The following FAM184B variants were observed in gnomAD, a reference collection of about 807,000 sequenced individuals.
FAM184B encodes the protein protein FAM184B.
A neutral mutation model predicts 135.9 loss-of-function variants in FAM184B; 111 were observed. The ratio of observed to expected loss-of-function variants is 0.82; its 90% confidence interval spans 0.70 to 0.96. FAM184B has a LOEUF of 0.96. Among genes scored for constraint, FAM184B ranks in the 40% least tolerant of loss-of-function variants. The probability of loss-of-function intolerance (pLI) is 0.00; values close to 1 mark genes in which losing one functional copy is unlikely to be tolerated. For synonymous variants in FAM184B, 552 were observed against 524.8 expected (o/e 1.05, Z -0.71); for missense variants, 1,375 against 1,323.9 (o/e 1.04, Z -0.60).
intron 1 of FAM184B, among the ~76,000 whole-genome samples, chr4:17,758,634 C>T (rs1477659325): frequency 6.6e-6 from 1 of 152,158 alleles, no homozygotes; most frequent in Non-Finnish European, 1.5e-5. Flanking sequence ...TTTTATTGCA[C>T]AAGTGAGGGT....
chr4:17,703,101 T>C (rs912727317), intron 5 of FAM184B, among the ~76,000 whole-genome samples: 9 of 152,218 alleles, frequency 5.9e-5, no homozygotes, highest in African/African-American at 2.2e-4. Context: ...TTTGTAATAT[T>C]GTTGGAAAGA....
At chr4:17,673,760 A>C (rs1175949778) in intron 7 of FAM184B, among the ~76,000 whole-genome samples, 1 of 152,112 alleles carries the variant, frequency 6.6e-6, no homozygotes, top group Non-Finnish European at 1.5e-5. Flanking sequence ...TTGGAGATTC[A>C]GGAGGAAAGG....
At chr4:17,763,069 G>C (rs1718581346) in intron 1 of FAM184B, among the ~76,000 whole-genome samples, 1 of 152,040 alleles carries the variant, frequency 6.6e-6, no homozygotes, top group South Asian at 2.1e-4. Flanking sequence ...GCTGTCAATG[G>C]GATGTTCATT....
intron 12 of FAM184B, among the ~76,000 whole-genome samples, chr4:17,647,021 G>A (rs550270101): frequency 6.0e-4 from 91 of 152,296 alleles, no homozygotes; most frequent in African/African-American, 2.1e-3. Context: ...ATGTTCTGCA[G>A]ATCCAGAGGA....
At chr4:17,774,992 C>CTTTTTTTTTTT (rs71167338) in intron 1 of FAM184B, among the ~76,000 whole-genome samples, 1 of 81,750 alleles carries the variant, frequency 1.2e-5, no homozygotes, top group African/African-American at 5.1e-5. Flanking sequence ...TTTTCCTTTT[C>CTTTTTTTTTTT]TTTTTTTTTT....
At position 17,688,412 on chromosome 4, in the gene FAM184B, G is replaced by A. The variant is rs1368603294; in HGVS notation, c.1596+12C>T. ...AATATCTTTAATTAAATCTGACAAA[G>A]CTGGAGGTTACCTGGGTCTCCAGAA... On this transcript the variant is annotated intron_variant, in intron 7 of 17. Coordinates refer to ENST00000265018, the MANE Select transcript of FAM184B (RefSeq NM_015688.2). The A allele has an allele frequency of 1.3e-6, 2 of 1,535,148 alleles. No individual in the cohort carries two copies. The highest frequency in any genetic ancestry group is 1.8e-6 in the Non-Finnish European group (2 of 1,134,992).
intron 1 of FAM184B, among the ~76,000 whole-genome samples, chr4:17,778,828 C>G (rs537114099): frequency 1.3e-5 from 2 of 152,246 alleles, no homozygotes; most frequent in South Asian, 4.2e-4. Context: ...CACTACACTC[C>G]AGCCTGGGTA....
At chr4:17,705,939 C>T in intron 3 of FAM184B, 48 bp from the exon 4 acceptor site, 1 of 1,549,314 alleles carries the variant, frequency 6.5e-7, no homozygotes, top group African/African-American at 1.4e-5. Flanking sequence ...TGGCCATGGC[C>T]TCTTGTTCAA....
chr4:17,769,587 A>T (rs1346675837), intron 1 of FAM184B, among the ~76,000 whole-genome samples: 2 of 152,144 alleles, frequency 1.3e-5, no homozygotes, highest in East Asian at 3.9e-4. Context: ...GGTAAAGACT[A>T]CTTGTCAGCG....
chr4:17,630,029 A>AT lies in FAM184B; in HGVS notation c.*2502dup, dbSNP rs1714877222. On this transcript the variant is annotated 3_prime_UTR_variant, in exon 18 of 18. Transcript: ENST00000265018. ...AATCATTGCAGGGTAGAATTTAGAA[A>AT]TTTAAGACTGAAAGATCTTTTCAGT... The AT allele has an allele frequency of 6.6e-6, 1 of 152,204 alleles. No individual in the cohort carries two copies. 9.4% of individuals were successfully genotyped at this position (152,204 alleles called of 1,614,324 possible).
In FAM184B at chr4:17,679,723, C is replaced by T. The variant is rs927077662; in HGVS notation, c.1596+8701G>A. 4.6e-5 allele frequency among the ~76,000 whole-genome samples: 7 copies of T among 152,200 alleles called. No individual in the cohort carries two copies. The South Asian group carries it at 8.3e-4, about 18-fold the overall frequency. On this transcript the variant is annotated intron_variant, in intron 7 of 17. Transcript: ENST00000265018. ...ATTATACAAAAAAGATACTTGCACA[C>T]GCATGTTTATAGCAACAAAATTTGC...
intron 1 of FAM184B, among the ~76,000 whole-genome samples, chr4:17,723,533 T>A (rs143146048): frequency 2.3e-4 from 35 of 152,348 alleles, no homozygotes; most frequent in African/African-American, 8.4e-4. Context: ...TGCTGCTCAC[T>A]TAACCTGCAC....
intron 1 of FAM184B, among the ~76,000 whole-genome samples, chr4:17,758,043 A>G (rs1193295110): frequency 6.6e-6 from 1 of 152,180 alleles, no homozygotes; most frequent in Non-Finnish European, 1.5e-5. Context: ...AAAGTGCCAA[A>G]AGCAAAACTA....
intron 11 of FAM184B, among the ~76,000 whole-genome samples, chr4:17,648,646 T>C (rs1005946992): frequency 1.3e-5 from 2 of 152,074 alleles, no homozygotes; most frequent in Non-Finnish European, 2.9e-5. Context: ...TGAGCCACAG[T>C]ACCCGGCCAA....
chr4:17,643,337 A>T (rs893580021), intron 12 of FAM184B, among the ~76,000 whole-genome samples: 5 of 151,798 alleles, frequency 3.3e-5, no homozygotes, highest in Non-Finnish European at 7.4e-5. Context: ...CTTTGCCGAC[A>T]CCCCTGCATC....
intron 1 of FAM184B, among the ~76,000 whole-genome samples, chr4:17,772,707 C>A (rs995227824): frequency 6.6e-6 from 1 of 152,152 alleles, no homozygotes. Context: ...GTTTTGAGAC[C>A]AAACTATCAC....
At chr4:17,641,642 C>CTTTTTTTTTTTTT (rs1560165284) in intron 13 of FAM184B, among the ~76,000 whole-genome samples, 2 of 34,448 alleles carry the variant, frequency 5.8e-5, no homozygotes, top group African/African-American at 1.7e-4. Flanking sequence ...CCACGCCCGG[C>CTTTTTTTTTTTTT]CTTTTTTTTT....
intron 1 of FAM184B, among the ~76,000 whole-genome samples, chr4:17,741,748 A>G (rs769912908): frequency 1.3e-5 from 2 of 152,166 alleles, no homozygotes; most frequent in Non-Finnish European, 2.9e-5. Flanking sequence ...ACTGACATGG[A>G]CATAAACCCG....
chr4:17,705,957 T>G, intron 3 of FAM184B, 66 bp from the exon 4 acceptor site: 8 of 1,539,736 alleles, frequency 5.2e-6, no homozygotes, highest in Non-Finnish European at 7.0e-6. Flanking sequence ...CAAGGCTTTC[T>G]GCTGTCAGGC....
Sources: gnomAD v4.1 joint callset for allele counts (sites outside exome capture counted in the v4.1 genomes callset) on GRCh38, gnomAD v4.1.1 for gene constraint, MANE v1.5 for transcripts, NCBI Gene and HGNC (gene_info 2026-07-23, HGNC 2026-07-21) for gene names.